Variants in MIPOL1 observed in about 807,000 individuals in gnomAD.
MIPOL1 encodes mirror-image polydactyly gene 1 protein.
A neutral mutation model predicts 60.9 loss-of-function variants in MIPOL1; 57 were observed. The ratio of observed to expected loss-of-function variants is 0.94; its 90% confidence interval spans 0.76 to 1.17. The LOEUF is 1.17. Ranked by LOEUF, MIPOL1 falls within the 50% of genes most tolerant of loss-of-function variation. MIPOL1 has a pLI of 0.00. For missense variants in MIPOL1, 551 were observed against 511.6 expected, an observed-to-expected ratio of 1.08 and a Z score of -0.74; for synonymous variants, 179 against 168.8, an observed-to-expected ratio of 1.06 and a Z score of -0.47.
chr14:37,294,606 T>G (rs1243560801), intron 7 of MIPOL1, among the ~76,000 whole-genome samples: 1 of 151,172 alleles, frequency 6.6e-6, no homozygotes, highest in Non-Finnish European at 1.5e-5. Flanking sequence ...TGCAGAGAAG[T>G]CCTTAAAGGA....
intron 12 of MIPOL1, among the ~76,000 whole-genome samples, chr14:37,510,333 G>C (rs575483159): frequency 6.6e-6 from 1 of 152,196 alleles, no homozygotes; most frequent in East Asian, 1.9e-4. Flanking sequence ...TGCAGCCTCA[G>C]CCTCCCCAGG....
chr14:37,293,146 TCTTA>T (rs1224578645), intron 7 of MIPOL1, among the ~76,000 whole-genome samples: 1 of 20,054 alleles, frequency 5.0e-5, no homozygotes, highest in Non-Finnish European at 1.3e-4. Flanking sequence ...GAAAAGTTTT[TCTTA>T]CTTTTCTCTG....
chr14:37,266,184 T>C (rs533773322), intron 3 of MIPOL1, among the ~76,000 whole-genome samples: 51 of 152,280 alleles, frequency 3.3e-4, no homozygotes, highest in Non-Finnish European at 5.7e-4. Context: ...AGTTAAATAG[T>C]GGTAATTTAT....
chr14:37,500,381 A>G (rs2063849010), intron 12 of MIPOL1, among the ~76,000 whole-genome samples: 1 of 152,146 alleles, frequency 6.6e-6, no homozygotes, highest in African/African-American at 2.4e-5. Flanking sequence ...ACTGATCATC[A>G]GTTCATGGAG....
chr14:37,530,969 C>T (rs2095475491), intron 12 of MIPOL1, among the ~76,000 whole-genome samples: 1 of 151,936 alleles, frequency 6.6e-6, no homozygotes, highest in Non-Finnish European at 1.5e-5. Flanking sequence ...AGGTGCCCGC[C>T]CCCACGCCTG....
At chr14:37,330,211 G>A (rs2089549294) in intron 9 of MIPOL1, among the ~76,000 whole-genome samples, 1 of 151,890 alleles carries the variant, frequency 6.6e-6, no homozygotes, top group African/African-American at 2.4e-5. Flanking sequence ...CTATAGAAAT[G>A]CAATACTTTT....
intron 10 of MIPOL1, among the ~76,000 whole-genome samples, chr14:37,381,701 G>T (rs764329744): frequency 5.3e-5 from 8 of 151,168 alleles, no homozygotes; most frequent in Non-Finnish European, 2.9e-5. Flanking sequence ...TCCCACCTCA[G>T]CCTCCTAAGC....
At chr14:37,315,989 A>G (rs1240341229) in intron 9 of MIPOL1, among the ~76,000 whole-genome samples, 3 of 151,316 alleles carry the variant, frequency 2.0e-5, no homozygotes, top group Non-Finnish European at 2.9e-5. Context: ...GTGTCAGGGA[A>G]GGCAAGAGGG....
At chr14:37,347,304 A>C (rs757370548) in intron 9 of MIPOL1, among the ~76,000 whole-genome samples, 4 of 152,218 alleles carry the variant, frequency 2.6e-5, no homozygotes, top group African/African-American at 4.8e-5. Context: ...AAAGACGGAC[A>C]GAATTGAAAA....
At chr14:37,375,493 A>G (rs1309413922) in intron 10 of MIPOL1, among the ~76,000 whole-genome samples, 1 of 151,950 alleles carries the variant, frequency 6.6e-6, no homozygotes, top group Admixed American at 6.6e-5. Flanking sequence ...CCTCCTTTTT[A>G]ATTTATTAAT....
intron 9 of MIPOL1, among the ~76,000 whole-genome samples, chr14:37,311,964 C>T (rs1156903753): frequency 6.6e-6 from 1 of 151,976 alleles, no homozygotes; most frequent in Non-Finnish European, 1.5e-5. Context: ...TTTTTTCCTC[C>T]ATAACCTCAA....
intron 11 of MIPOL1, among the ~76,000 whole-genome samples, chr14:37,485,303 G>A (rs949689014): frequency 2.5e-4 from 38 of 152,152 alleles, no homozygotes; most frequent in Non-Finnish European, 8.8e-5. Context: ...ACGTGTGCAT[G>A]TGTCTTTATA....
At chr14:37,198,465 T>C (rs935449653) in intron 1 of MIPOL1, among the ~76,000 whole-genome samples, 5 of 152,168 alleles carry the variant, frequency 3.3e-5, no homozygotes, top group Admixed American at 2.6e-4. Context: ...TCTGATCGAC[T>C]CTGTGCCCAT....
intron 7 of MIPOL1, among the ~76,000 whole-genome samples, chr14:37,297,693 C>A (rs1228766287): frequency 2.0e-5 from 3 of 152,080 alleles, no homozygotes; most frequent in Non-Finnish European, 4.4e-5. Flanking sequence ...CATGAGTGAA[C>A]TCCCATTCAC....
At chr14:37,360,066 T>A (rs1331559933) in intron 9 of MIPOL1, among the ~76,000 whole-genome samples, 1 of 152,230 alleles carries the variant, frequency 6.6e-6, no homozygotes, top group East Asian at 1.9e-4. Context: ...TTTCTGCATC[T>A]AATGAGACAA....
intron 9 of MIPOL1, among the ~76,000 whole-genome samples, chr14:37,318,889 T>G (rs1182834644): frequency 4.6e-5 from 7 of 152,026 alleles, no homozygotes; most frequent in African/African-American, 1.2e-4. Context: ...AATACAGTGG[T>G]GTGATCATGG....
chr14:37,483,534 A>G (rs1233180253), intron 11 of MIPOL1, among the ~76,000 whole-genome samples: 1 of 152,198 alleles, frequency 6.6e-6, no homozygotes, highest in Admixed American at 6.5e-5. Flanking sequence ...CAGAGGGCCA[A>G]CTGTATAGCC....
chr14:37,526,686 T>A (rs2095449766), intron 12 of MIPOL1, among the ~76,000 whole-genome samples: 2 of 152,096 alleles, frequency 1.3e-5, no homozygotes, highest in Admixed American at 1.3e-4. Flanking sequence ...TGGCCTGGTT[T>A]AATTTTTAAA....
intron 11 of MIPOL1, among the ~76,000 whole-genome samples, chr14:37,443,838 C>G (rs1247731447): frequency 2.0e-5 from 3 of 151,054 alleles, no homozygotes; most frequent in African/African-American, 7.3e-5. Flanking sequence ...GGTGGCAATG[C>G]AAGGTTGGTT....
Sources: allele counts gnomAD v4.1 joint callset (sites outside exome capture counted in the v4.1 genomes callset), GRCh38; gene constraint gnomAD v4.1.1; transcripts MANE v1.5; gene names NCBI Gene and HGNC (gene_info 2026-07-23, HGNC 2026-07-21).